RARB: variants seen among roughly 807,000 people sequenced by gnomAD.
The protein encoded by RARB is HBV-activated protein.
In RARB, 17 loss-of-function variants were observed where a neutral mutation model predicts 51.9. That is an observed-to-expected ratio of 0.33 (90% CI 0.22 to 0.49). The LOEUF (loss-of-function observed/expected upper bound fraction) is 0.49. Ranked by LOEUF, RARB falls within the 20% of genes least tolerant of loss-of-function variation. The pLI is 0.99. For missense variants in RARB, 369 were observed against 550.8 expected, an observed-to-expected ratio of 0.67 and a Z score of 3.30; for synonymous variants, 215 against 195.4, an observed-to-expected ratio of 1.10 and a Z score of -0.84.
chr3:25,384,638 C>T (rs955174134), intron 5 of RARB, among the ~76,000 whole-genome samples: 3 of 152,170 alleles, frequency 2.0e-5, no homozygotes, highest in Admixed American at 6.5e-5. Context: ...GGCTGACATC[C>T]TCCTCACCTG....
intron 2 of RARB, among the ~76,000 whole-genome samples, chr3:24,958,243 T>C (rs1305419162): frequency 7.2e-6 from 1 of 138,642 alleles, no homozygotes; most frequent in Non-Finnish European, 1.5e-5. Flanking sequence ...TGAAGCTTCC[T>C]GAGCTGCTCA....
At chr3:24,986,929 C>G (rs1332323286) in intron 2 of RARB, among the ~76,000 whole-genome samples, 1 of 151,820 alleles carries the variant, frequency 6.6e-6, no homozygotes, top group Non-Finnish European at 1.5e-5. Context: ...CTAAGAATAG[C>G]CTATGAAAAT....
chr3:24,957,935 C>A (rs1486470571), intron 2 of RARB, among the ~76,000 whole-genome samples: 1 of 152,190 alleles, frequency 6.6e-6, no homozygotes, highest in Non-Finnish European at 1.5e-5. Flanking sequence ...TAGTAAAATA[C>A]AACCAACAGT....
chr3:25,441,341 A>G, intron 1 of RARB: 1 of 363,064 alleles, frequency 2.8e-6, no homozygotes, highest in East Asian at 7.4e-5. Context: ...ATTGGAAGGG[A>G]AGTTTGCGAA....
intron 1 of RARB, among the ~76,000 whole-genome samples, chr3:24,847,605 G>A (rs1227480472): frequency 6.6e-6 from 1 of 152,178 alleles, no homozygotes; most frequent in Non-Finnish European, 1.5e-5. Flanking sequence ...GGATAAAATA[G>A]GGTGACCAGC....
At chr3:25,316,876 A>G (rs1704437533) in intron 5 of RARB, among the ~76,000 whole-genome samples, 1 of 152,188 alleles carries the variant, frequency 6.6e-6, no homozygotes. Context: ...TCAAGAAGGA[A>G]CTCTAAGAAA....
chr3:25,568,204 AG>A (rs1480486978), intron 3 of RARB, among the ~76,000 whole-genome samples: 4 of 152,294 alleles, frequency 2.6e-5, no homozygotes, highest in South Asian at 4.2e-4. Context: ...ACTGTCTAGA[AG>A]GGTGTTCTCT....
intron 3 of RARB, among the ~76,000 whole-genome samples, chr3:25,506,700 A>G (rs879535978): frequency 6.6e-6 from 1 of 152,266 alleles, no homozygotes; most frequent in Admixed American, 6.5e-5. Flanking sequence ...ATATAAACAA[A>G]CAAGTGTGGT....
At chr3:24,876,090 G>A (rs1180337687) in intron 2 of RARB, among the ~76,000 whole-genome samples, 1 of 152,080 alleles carries the variant, frequency 6.6e-6, no homozygotes, top group Non-Finnish European at 1.5e-5. Context: ...GCCCTTTTCA[G>A]GGCATCATTT....
At position 24,929,083 on chromosome 3, in the gene RARB, T is replaced by C. The variant is rs776755978; in HGVS notation, c.-380+70331T>C. The stretch of plus-strand genomic sequence containing the variant: ...AAGATATCATGTAAAAGTAATGATA[T>C]AATGATATGAATATTTTTCCTACTA... On this transcript the variant is annotated intron_variant, in intron 2 of 11. Transcript: ENST00000383772. Among the ~76,000 whole-genome samples the C allele has an allele frequency of 5.9e-4, 90 of 152,204 alleles. 1 individual carries two copies. Among genetic ancestry groups the C allele is most frequent in the Non-Finnish European group, 9.1e-4 (62 of 67,968 alleles).
At chr3:25,355,878 C>T (rs1173077934) in intron 5 of RARB, among the ~76,000 whole-genome samples, 2 of 151,922 alleles carry the variant, frequency 1.3e-5, no homozygotes, top group Admixed American at 6.6e-5. Context: ...GAGTAAGTCT[C>T]TTATTTTTTT....
intron 2 of RARB, among the ~76,000 whole-genome samples, chr3:24,893,826 T>C (rs185909275): frequency 1.0e-3 from 156 of 152,282 alleles, no homozygotes; most frequent in Non-Finnish European, 1.4e-3. Flanking sequence ...TGCCCAGCTG[T>C]AAAATTGTTT....
At chr3:25,011,388 T>C (rs550766049) in intron 2 of RARB, among the ~76,000 whole-genome samples, 42 of 152,260 alleles carry the variant, frequency 2.8e-4, no homozygotes, top group African/African-American at 9.6e-4. Context: ...ACCATGTACT[T>C]ATGACAGTGA....
At chr3:25,457,568 A>G (rs1374139557) in intron 1 of RARB, among the ~76,000 whole-genome samples, 2 of 152,232 alleles carry the variant, frequency 1.3e-5, no homozygotes, top group South Asian at 2.1e-4. Context: ...GAAAAGATCC[A>G]ATCTTTGTAA....
chr3:25,571,345 C>T (rs1219626893), intron 4 of RARB, among the ~76,000 whole-genome samples: 4 of 152,220 alleles, frequency 2.6e-5, no homozygotes, highest in Non-Finnish European at 5.9e-5. Context: ...TAACAAGCTG[C>T]CAGGCTGCTT....
intron 2 of RARB, among the ~76,000 whole-genome samples, chr3:24,916,090 A>G (rs1001134419): frequency 6.6e-6 from 1 of 152,138 alleles, no homozygotes; most frequent in African/African-American, 2.4e-5. Flanking sequence ...AGGCCTGTCA[A>G]TAGTAGTTTA....
intron 3 of RARB, among the ~76,000 whole-genome samples, chr3:25,506,366 GAGA>G (rs1697597478): frequency 6.6e-6 from 1 of 151,964 alleles, no homozygotes. Context: ...AGCAATTTGT[GAGA>G]AGGAGATGGG....
intron 3 of RARB, among the ~76,000 whole-genome samples, chr3:25,540,196 C>T (rs779394608): frequency 1.3e-5 from 2 of 152,168 alleles, no homozygotes; most frequent in Non-Finnish European, 2.9e-5. Context: ...CCTTCACTCA[C>T]CATCCAGTGA....
chr3:25,041,090 A>C (rs544423753), intron 2 of RARB, among the ~76,000 whole-genome samples: 2 of 152,320 alleles, frequency 1.3e-5, no homozygotes, highest in South Asian at 4.1e-4. Flanking sequence ...TCTTCTTACA[A>C]CTTAAAATGG....
Sources: allele counts gnomAD v4.1 joint callset (sites outside exome capture counted in the v4.1 genomes callset), GRCh38; gene constraint gnomAD v4.1.1; transcripts MANE v1.5; gene names NCBI Gene and HGNC (gene_info 2026-07-23, HGNC 2026-07-21).